WDR27: variants seen among roughly 807,000 people sequenced by gnomAD.
The protein encoded by WDR27 is WD repeat-containing protein 27.
Under a neutral mutation model 114.4 loss-of-function variants are expected in WDR27, and 100 were observed. The observed-to-expected ratio is 0.87, with a 90% CI of 0.74 to 1.03. The LOEUF is 1.03. WDR27 is among the 50% of genes least tolerant of loss of function. The pLI is 0.00. For synonymous variants in WDR27, 449 were observed against 423.1 expected (o/e 1.06, Z -0.75); for missense variants, 1,129 against 1,092.9 (o/e 1.03, Z -0.47).
At chr6:169,586,557 G>T (rs1804610019) in intron 23 of WDR27, among the ~76,000 whole-genome samples, 1 of 152,014 alleles carries the variant, frequency 6.6e-6, no homozygotes, top group African/African-American at 2.4e-5. Flanking sequence ...AATATCAAAA[G>T]AACTTTAAAA....
At chr6:169,602,179 C>CTAGACTTTGGTAATGTG in intron 23 of WDR27, 40 bp downstream of exon 23, 2 of 1,445,002 alleles carry the variant, frequency 1.4e-6, no homozygotes, top group Non-Finnish European at 9.5e-7. Flanking sequence ...TTACCAAAGT[C>CTAGACTTTGGTAATGTG]TAGACTCTCT....
intron 2 of WDR27, among the ~76,000 whole-genome samples, chr6:169,682,745 G>A (rs1781861211): frequency 6.6e-6 from 1 of 152,166 alleles, no homozygotes; most frequent in Non-Finnish European, 1.5e-5. Context: ...GCGACAGACT[G>A]ACCATAAAAT....
At chr6:169,639,923 G>A (rs1818740304) in intron 17 of WDR27, among the ~76,000 whole-genome samples, 1 of 152,216 alleles carries the variant, frequency 6.6e-6, no homozygotes, top group South Asian at 2.1e-4. Flanking sequence ...TCTTCTCAGA[G>A]GTCGGCCCTG....
intron 25 of WDR27, among the ~76,000 whole-genome samples, chr6:169,545,487 G>A (rs1797348181): frequency 6.6e-6 from 1 of 152,024 alleles, no homozygotes; most frequent in Non-Finnish European, 1.5e-5. Flanking sequence ...CTTGAGCCCA[G>A]GAGTTTGAGG....
chr6:169,659,500 A>T lies in WDR27; in HGVS notation c.1148T>A (p.Ile383Asn). 2 of 1,610,264 alleles carry T rather than the reference A, an allele frequency of 1.2e-6. No individual in the cohort carries two copies. Among genetic ancestry groups the T allele is most frequent in the East Asian group, 4.5e-5 (2 of 44,714 alleles). ...CAGGGCACACGATCCGGCCAGCAGG[A>T]TGCTGAGGCTCTGGAAATCTTCAGT... ...LYYKDFQSLS[I>N]LLAGSCALRN... is the part of the protein sequence containing the mutation. The change falls in exon 11 of 26, where the codon ATC becomes AAC. Residue 383 changes from isoleucine (I) to asparagine (N), a missense_variant. Coordinates refer to ENST00000448612, the MANE Select transcript of WDR27 (RefSeq NM_182552.5). This position sits in a 1 kb window ranked among gnomAD's most constrained non-coding sequence, Gnocchi z 4.3.
chr6:169,490,191 A>G (rs1442145595), intron 25 of WDR27, among the ~76,000 whole-genome samples: 1 of 152,236 alleles, frequency 6.6e-6, no homozygotes, highest in Non-Finnish European at 1.5e-5. Context: ...TCAAGTAATC[A>G]TGTTCTGCCC....
chr6:169,528,335 C>T (rs1001152105), intron 25 of WDR27, among the ~76,000 whole-genome samples: 5 of 152,228 alleles, frequency 3.3e-5, no homozygotes, highest in Non-Finnish European at 5.9e-5. Context: ...GCCCAGTATA[C>T]TAAATATGGT....
Position 169,537,467 on chromosome 6 carries a change from TC to T in WDR27, c.2645+34951del, listed in dbSNP as rs536676766. On this transcript the variant is annotated intron_variant, in intron 25 of 25. Coordinates refer to ENST00000448612, the MANE Select transcript of WDR27 (RefSeq NM_182552.5). ...GAAAATCTCTGCAAAACCATCCTAG[TC>T]AGGAAGAATAGCACATGCCAAACTC... is the stretch of plus-strand genomic sequence containing the variant. Among the ~76,000 whole-genome samples, 285 of 152,244 alleles carry T rather than the reference TC, an allele frequency of 1.9e-3. 1 individual carries two copies. The highest frequency in any genetic ancestry group is 0.016 in the Admixed American group (239 of 15,294).
intron 16 of WDR27, among the ~76,000 whole-genome samples, chr6:169,647,283 A>C (rs549658362): frequency 1.9e-3 from 285 of 152,360 alleles, no homozygotes; most frequent in Non-Finnish European, 1.7e-3. Context: ...TCAGCCCTGC[A>C]GGAAAAGGTC....
chr6:169,520,040 C>G (rs898749804), intron 25 of WDR27, among the ~76,000 whole-genome samples: 1 of 151,902 alleles, frequency 6.6e-6, no homozygotes, highest in Non-Finnish European at 1.5e-5. Flanking sequence ...CAGGAGTGCC[C>G]GAAAAGAAAA....
chr6:169,437,574 C>T, the WDR27 span, among the ~76,000 whole-genome samples: 1 of 152,156 alleles, frequency 6.6e-6, no homozygotes, highest in African/African-American at 2.4e-5. Flanking sequence ...ACCCATATCT[C>T]AGTGGCTAGG....
At chr6:169,436,684 A>G in the WDR27 span, among the ~76,000 whole-genome samples, 1 of 152,124 alleles carries the variant, frequency 6.6e-6, no homozygotes, top group Non-Finnish European at 1.5e-5. Context: ...TCTTACCATT[A>G]TATTGAATTA....
intron 13 of WDR27, chr6:169,658,044 T>G: frequency 2.3e-6 from 1 of 430,182 alleles, no homozygotes; most frequent in Non-Finnish European, 4.4e-6. Context: ...CTTGGGCACG[T>G]TGCTGAATCC....
rs566761691 is a variant in WDR27 at position 169,658,549 on chromosome 6, G to A, written c.1320-191C>T. 4.4e-3 allele frequency among the ~76,000 whole-genome samples: 665 copies of A among 152,150 alleles called. 6 individuals carry two copies. The highest frequency in any genetic ancestry group is 0.015 in the African/African-American group (636 of 41,514). ...GGAAAAAAATATTCTTAATAAAAGC[G>A]CTGTTTTATAATGTACATTCTATTA... On this transcript the variant is annotated intron_variant, in intron 12 of 25. Transcript: ENST00000448612.
chr6:169,442,771 C>T, the WDR27 span, among the ~76,000 whole-genome samples: 1 of 152,156 alleles, frequency 6.6e-6, no homozygotes, highest in Non-Finnish European at 1.5e-5. Context: ...TATCTGGCCA[C>T]CTGGCCTTGG....
chr6:169,670,629 G>A lies in WDR27; in HGVS notation c.396C>T (p.Ser132=). 1.2e-6 allele frequency: 2 copies of A among 1,613,890 alleles called. No individual in the cohort carries two copies. Among genetic ancestry groups the A allele is most frequent in the Non-Finnish European group, 8.5e-7 (1 of 1,179,878 alleles). ...LLGKVLCLQL[S]LDDHVVAVCA... Reference sequence around the variant, plus strand: ...ACACGGCAACAACATGATCATCCAGGCTCAACTGTAAACACAGCACCTTTC... The same window carrying A: ...ACACGGCAACAACATGATCATCCAGACTCAACTGTAAACACAGCACCTTTC... The change falls in exon 4 of 26, where the codon AGC becomes AGT. Residue 132 remains serine, a synonymous_variant. Coordinates refer to ENST00000448612, the MANE Select transcript of WDR27 (RefSeq NM_182552.5).
chr6:169,623,700 CTTAT>C (rs1158590709), intron 21 of WDR27, among the ~76,000 whole-genome samples: 1 of 152,190 alleles, frequency 6.6e-6, no homozygotes, highest in African/African-American at 2.4e-5. Context: ...TGGTCATTTA[CTTAT>C]TTATTTTGTT....
intron 23 of WDR27, among the ~76,000 whole-genome samples, chr6:169,588,849 A>C (rs1639187222): frequency 1.3e-5 from 2 of 152,206 alleles, no homozygotes. Context: ...ATAACGGACC[A>C]AGGTGCATCC....
chr6:169,496,685 T>C (rs370465872), intron 25 of WDR27, among the ~76,000 whole-genome samples: 11 of 152,096 alleles, frequency 7.2e-5, no homozygotes, highest in Admixed American at 5.9e-4. Flanking sequence ...AACAATTCCA[T>C]TCACAATAGC....
Sources: gnomAD v4.1 joint callset for allele counts (sites outside exome capture counted in the v4.1 genomes callset) on GRCh38, gnomAD v4.1.1 for gene constraint, Gnocchi (gnomAD v3.1) non-coding constraint, MANE v1.5 for transcripts, NCBI Gene and HGNC (gene_info 2026-07-23, HGNC 2026-07-21) for gene names.